BCKDHB: variants seen among roughly 807,000 people sequenced by gnomAD.
The protein encoded by BCKDHB is branched chain keto acid dehydrogenase E1 subunit beta.
A neutral mutation model predicts 48.5 loss-of-function variants in BCKDHB; 41 were observed. The observed-to-expected ratio is 0.85, with a 90% CI of 0.66 to 1.10. BCKDHB has a LOEUF of 1.10. Ranked by LOEUF, BCKDHB falls within the 50% of genes least tolerant of loss-of-function variation. The pLI, the probability that BCKDHB is intolerant of heterozygous loss-of-function variation, is 0.00. For missense variants in BCKDHB, 496 were observed against 494.2 expected, an observed-to-expected ratio of 1.00 and a Z score of -0.03; for synonymous variants, 201 against 174.8, an observed-to-expected ratio of 1.15 and a Z score of -1.18.
intron 6 of BCKDHB, among the ~76,000 whole-genome samples, chr6:80,183,285 G>A (rs1192991225): frequency 6.6e-6 from 1 of 152,126 alleles, no homozygotes; most frequent in African/African-American, 2.4e-5. Flanking sequence ...CACAGGTACT[G>A]TGGGGCGGCA....
chr6:80,128,889 TGTG>T, intron 2 of BCKDHB, among the ~76,000 whole-genome samples: 1 of 151,808 alleles, frequency 6.6e-6, no homozygotes, highest in Admixed American at 6.6e-5. Context: ...TGTGTGTGTG[TGTG>T]TGTGTGTGTG....
intron 9 of BCKDHB, among the ~76,000 whole-genome samples, chr6:80,340,775 G>C (rs868052025): frequency 2.7e-4 from 40 of 148,912 alleles, no homozygotes; most frequent in Admixed American, 2.6e-3. Flanking sequence ...TTTTTTTTCT[G>C]TGTGTGTGTG....
chr6:80,309,772 C>T (rs570619580), intron 9 of BCKDHB, among the ~76,000 whole-genome samples: 17 of 152,100 alleles, frequency 1.1e-4, no homozygotes, highest in African/African-American at 3.1e-4. Context: ...TTGTGTGTCA[C>T]GGGGATTTGG....
At chr6:80,134,048 T>G (rs1214929427) in intron 3 of BCKDHB, among the ~76,000 whole-genome samples, 1 of 152,134 alleles carries the variant, frequency 6.6e-6, no homozygotes, top group African/African-American at 2.4e-5. Context: ...AGAAAGAGTG[T>G]ATGTGTGTGT....
chr6:80,255,377 TC>T (rs1777006425), intron 8 of BCKDHB, among the ~76,000 whole-genome samples: 2 of 152,234 alleles, frequency 1.3e-5, no homozygotes, highest in Admixed American at 1.3e-4. Flanking sequence ...CATAATTCAT[TC>T]CTTTGTTTCT....
chr6:80,223,278 C>T (rs1401894790), intron 8 of BCKDHB, among the ~76,000 whole-genome samples: 1 of 152,086 alleles, frequency 6.6e-6, no homozygotes, highest in African/African-American at 2.4e-5. Flanking sequence ...GGTGAACTCT[C>T]AAATGTGTTG....
chr6:80,293,357 G>A lies in BCKDHB; in HGVS notation c.1038+20136G>A, dbSNP rs114972797. 3.0e-3 allele frequency among the ~76,000 whole-genome samples: 457 copies of A among 152,286 alleles called. 1 individual carries two copies. The highest frequency in any genetic ancestry group is 0.011 in the African/African-American group (441 of 41,568). Reference sequence around the variant, plus strand: ...TCTGCACCTGCAGGCTTAACACTACGTGGAAGCTGCCATGGCTTGAGGCTT... The same window carrying A: ...TCTGCACCTGCAGGCTTAACACTACATGGAAGCTGCCATGGCTTGAGGCTT... On this transcript the variant is annotated intron_variant, in intron 9 of 9. Coordinates refer to ENST00000320393, the MANE Select transcript of BCKDHB (RefSeq NM_183050.4).
At chr6:80,241,758 G>A (rs1047550523) in intron 8 of BCKDHB, among the ~76,000 whole-genome samples, 5 of 152,060 alleles carry the variant, frequency 3.3e-5, no homozygotes, top group African/African-American at 1.2e-4. Flanking sequence ...CCATTTACAC[G>A]CTCACCAGCA....
the BCKDHB span, among the ~76,000 whole-genome samples, chr6:80,433,415 G>C: frequency 1.3e-5 from 2 of 152,136 alleles, no homozygotes; most frequent in Non-Finnish European, 2.9e-5. Context: ...GCTGCCGTTG[G>C]CTCCACCCAG....
intron 9 of BCKDHB, among the ~76,000 whole-genome samples, chr6:80,321,113 G>C (rs111715932): frequency 2.3e-4 from 35 of 152,196 alleles, no homozygotes; most frequent in African/African-American, 8.2e-4. Context: ...AGACAATATA[G>C]TTCATCTAGG....
At chr6:80,346,896 A>T (rs1770224213), downstream of BCKDHB, among the ~76,000 whole-genome samples, 1 of 151,522 alleles carries the variant, frequency 6.6e-6, no homozygotes, top group African/African-American at 2.4e-5. Flanking sequence ...ATAGTTCCAG[A>T]AGATTTCCTC....
intron 8 of BCKDHB, among the ~76,000 whole-genome samples, chr6:80,207,070 C>A (rs551855423): frequency 1.1e-4 from 17 of 151,992 alleles, no homozygotes; most frequent in African/African-American, 2.9e-4. Context: ...CAGGCTCTCA[C>A]TAAAAGAAGG....
intron 9 of BCKDHB, among the ~76,000 whole-genome samples, chr6:80,282,703 T>C (rs1486932866): frequency 2.0e-5 from 3 of 152,068 alleles, no homozygotes; most frequent in African/African-American, 7.2e-5. Flanking sequence ...AAAAAAACTT[T>C]ATATATACAT....
intron 9 of BCKDHB, among the ~76,000 whole-genome samples, chr6:80,313,017 T>C (rs943543528): frequency 6.6e-6 from 1 of 152,182 alleles, no homozygotes; most frequent in Non-Finnish European, 1.5e-5. Context: ...AAGCTCTTCT[T>C]TGTAGCACTG....
the BCKDHB span, among the ~76,000 whole-genome samples, chr6:80,411,164 G>T: frequency 6.6e-6 from 1 of 152,212 alleles, no homozygotes; most frequent in East Asian, 1.9e-4. Flanking sequence ...GTTGATGCTG[G>T]TCCTTTCTGT....
intron 6 of BCKDHB, among the ~76,000 whole-genome samples, chr6:80,172,651 C>T (rs539968495): frequency 2.0e-5 from 3 of 152,128 alleles, no homozygotes; most frequent in East Asian, 1.9e-4. Context: ...AAATCTGAGG[C>T]GTGTACAGTA....
the BCKDHB span, among the ~76,000 whole-genome samples, chr6:80,397,661 T>A: frequency 2.0e-5 from 3 of 152,140 alleles, no homozygotes; most frequent in South Asian, 2.1e-4. Context: ...GACAGGCAGA[T>A]CACTTAGGTC....
the BCKDHB span, chr6:80,355,460 CCTT>C: frequency 6.6e-6 from 1 of 150,382 alleles, no homozygotes; most frequent in East Asian, 1.9e-4. Context: ...TATTTACACT[CCTT>C]CTATTAAAGC....
At chr6:80,106,665 T>C (rs921442657), upstream of BCKDHB, 12 of 1,547,394 alleles carry the variant, frequency 7.8e-6, no homozygotes, top group Middle Eastern at 2.3e-4. Flanking sequence ...TGCGGCTGCA[T>C]AGCCTGAGAA....
Sources: allele counts gnomAD v4.1 joint callset (sites outside exome capture counted in the v4.1 genomes callset), GRCh38; gene constraint gnomAD v4.1.1; transcripts MANE v1.5; gene names NCBI Gene and HGNC (gene_info 2026-07-23, HGNC 2026-07-21).